The following RBFOX1 variants were observed in gnomAD, a reference collection of about 807,000 sequenced individuals.
RBFOX1 encodes the protein RNA binding fox-1 homolog 1, also known as RNA binding protein fox-1 homolog 1.
RBFOX1 carries 8 observed loss-of-function variants against 57.7 expected under a neutral mutation model. The observed-to-expected ratio is 0.14, with a 90% CI of 0.08 to 0.25. The LOEUF (loss-of-function observed/expected upper bound fraction) is 0.25. Ranked by LOEUF, RBFOX1 falls within the 10% of genes least tolerant of loss-of-function variation. The pLI, the probability that RBFOX1 is intolerant of heterozygous loss-of-function variation, is 1.00. For missense variants in RBFOX1, 611 were observed against 548.5 expected, an observed-to-expected ratio of 1.11 and a Z score of -1.14; for synonymous variants, 326 against 222.4, an observed-to-expected ratio of 1.47 and a Z score of -4.15.
chr16:6,583,549 T>C (rs953534848), intron 2 of RBFOX1, among the ~76,000 whole-genome samples: 2 of 152,218 alleles, frequency 1.3e-5, no homozygotes, highest in Admixed American at 1.3e-4. Context: ...TTCCAAGTAA[T>C]TGGGATTGGG....
In RBFOX1 at chr16:6,919,992, T is replaced by A. The variant is rs146324151; in HGVS notation, c.-15-132065T>A. On this transcript the variant is annotated intron_variant, in intron 3 of 15. Coordinates refer to ENST00000550418, the MANE Select transcript of RBFOX1 (RefSeq NM_018723.4). Reference sequence around the variant, plus strand: ...ATTACATCATTCTTGCCCCTTTGCATCCTCAAAGCTTAGCTCTCCCTTATA... The same window carrying A: ...ATTACATCATTCTTGCCCCTTTGCAACCTCAAAGCTTAGCTCTCCCTTATA... 2.3e-3 allele frequency among the ~76,000 whole-genome samples: 343 copies of A among 152,194 alleles called. 2 individuals carry two copies. Among genetic ancestry groups the A allele is most frequent in the African/African-American group, 7.6e-3 (316 of 41,544 alleles).
At chr16:7,226,686 G>A (rs893747171) in intron 4 of RBFOX1, among the ~76,000 whole-genome samples, 6 of 152,224 alleles carry the variant, frequency 3.9e-5, no homozygotes, top group Middle Eastern at 3.4e-3. Context: ...TTCTAAAACC[G>A]CAAAAAGTAC....
intron 11 of RBFOX1, among the ~76,000 whole-genome samples, chr16:7,642,994 A>T (rs1405827809): frequency 6.6e-6 from 1 of 152,324 alleles, no homozygotes; most frequent in East Asian, 1.9e-4. Flanking sequence ...TGCATAGTAA[A>T]AACATATCAC....
intron 1 of RBFOX1, among the ~76,000 whole-genome samples, chr16:6,124,899 C>T (rs1391269130): frequency 6.6e-6 from 1 of 152,186 alleles, no homozygotes; most frequent in Non-Finnish European, 1.5e-5. Flanking sequence ...TAACCATCTA[C>T]AACCAGCCTG....
intron 10 of RBFOX1, among the ~76,000 whole-genome samples, chr16:7,624,712 T>G (rs9935674): frequency 6.6e-6 from 1 of 152,032 alleles, no homozygotes; most frequent in Admixed American, 6.5e-5. Context: ...CCTCTTAGCC[T>G]TCTTCCCTGA....
chr16:7,578,857 A>G (rs770142123), intron 5 of RBFOX1, among the ~76,000 whole-genome samples: 5 of 152,202 alleles, frequency 3.3e-5, no homozygotes, highest in African/African-American at 4.8e-5. Context: ...ATGATACCTA[A>G]TGTGACTGTG....
intron 5 of RBFOX1, among the ~76,000 whole-genome samples, chr16:7,547,498 G>A (rs1221279694): frequency 1.3e-5 from 2 of 152,186 alleles, no homozygotes; most frequent in Non-Finnish European, 2.9e-5. Context: ...AGTCCCTTCT[G>A]CAAGCTAGGG....
At chr16:7,264,482 T>G (rs1391043035) in intron 4 of RBFOX1, among the ~76,000 whole-genome samples, 1 of 152,178 alleles carries the variant, frequency 6.6e-6, no homozygotes, top group African/African-American at 2.4e-5. Flanking sequence ...AGTTTTTCTG[T>G]AAGGGCCAAA....
intron 4 of RBFOX1, among the ~76,000 whole-genome samples, chr16:7,283,618 G>C (rs7190081): frequency 0.3 from 45,632 of 151,822 alleles, 7,440 homozygotes; most frequent in African/African-American, 0.43. Context: ...CAGCCTCACC[G>C]TCCTCAGAAG....
chr16:5,702,022 G>C (rs1010463653), intron 3 of RBFOX1, among the ~76,000 whole-genome samples: 19 of 152,144 alleles, frequency 1.2e-4, no homozygotes, highest in Non-Finnish European at 2.4e-4. Context: ...CAATAGACAC[G>C]TGTTGATGGA....
At chr16:5,630,545 C>G (rs1011026936) in intron 3 of RBFOX1, among the ~76,000 whole-genome samples, 2 of 152,180 alleles carry the variant, frequency 1.3e-5, no homozygotes, top group African/African-American at 4.8e-5. Flanking sequence ...TCTTCAATCT[C>G]TGCCTGCAGG....
At chr16:7,349,004 G>A (rs1306653455) in intron 4 of RBFOX1, among the ~76,000 whole-genome samples, 2 of 152,180 alleles carry the variant, frequency 1.3e-5, no homozygotes, top group Admixed American at 6.5e-5. Context: ...GGGTGAGTAG[G>A]AGGCTTCTGC....
intron 1 of RBFOX1, among the ~76,000 whole-genome samples, chr16:6,102,186 A>C (rs1469707254): frequency 6.6e-6 from 1 of 151,804 alleles, no homozygotes; most frequent in East Asian, 1.9e-4. Context: ...CCAAAAAAAA[A>C]AAAAAAAAAT....
chr16:6,830,590 G>T (rs985434547), intron 3 of RBFOX1, among the ~76,000 whole-genome samples: 1 of 152,150 alleles, frequency 6.6e-6, no homozygotes, highest in African/African-American at 2.4e-5. Flanking sequence ...AATTGATGTT[G>T]ACATCTAGTT....
At position 7,633,291 on chromosome 16, in the gene RBFOX1, A is replaced by G. The variant is rs28450414; in HGVS notation, c.757+2608A>G. 4.4e-3 allele frequency among the ~76,000 whole-genome samples: 677 copies of G among 152,364 alleles called. 6 individuals are homozygous for G. The highest frequency in any genetic ancestry group is 0.015 in the African/African-American group (614 of 41,586). On this transcript the variant is annotated intron_variant, in intron 11 of 15. Transcript: ENST00000550418. ...GTGGCAATATCACTGCACTGTGTGTAGCTGTACCTTTTTCTATGTTTAAAG... is the reference window on the plus strand; with the variant it reads ...GTGGCAATATCACTGCACTGTGTGTGGCTGTACCTTTTTCTATGTTTAAAG...
chr16:7,223,745 G>A lies in RBFOX1; in HGVS notation c.27+171647G>A, dbSNP rs1159910701. Among the ~76,000 whole-genome samples the A allele has an allele frequency of 3.3e-5, 5 of 150,274 alleles. No individual in the cohort carries two copies. In the East Asian group the frequency reaches 7.8e-4, roughly 23 times the overall value. On this transcript the variant is annotated intron_variant, in intron 4 of 15. Transcript: ENST00000550418. ...AAAAAAAAAAAAGAAAAAGAAATGA[G>A]CAAGGCAGGTGGATTTCTGGCAAAG...
At chr16:6,916,265 G>A (rs1459117408) in intron 3 of RBFOX1, among the ~76,000 whole-genome samples, 1 of 152,164 alleles carries the variant, frequency 6.6e-6, no homozygotes, top group Non-Finnish European at 1.5e-5. Context: ...ATCCAAGATG[G>A]AGTCACTGTT....
intron 2 of RBFOX1, among the ~76,000 whole-genome samples, chr16:6,456,405 C>A (rs1330248964): frequency 6.6e-6 from 1 of 152,096 alleles, no homozygotes; most frequent in East Asian, 1.9e-4. Context: ...AAGTTCTGGG[C>A]TCAAGCAATA....
intron 1 of RBFOX1, among the ~76,000 whole-genome samples, chr16:6,266,049 A>G (rs546685329): frequency 1.0e-3 from 157 of 152,292 alleles, no homozygotes; most frequent in Non-Finnish European, 1.7e-3. Flanking sequence ...AGGAATGGCC[A>G]TACATCTTAC....
Sources: allele counts gnomAD v4.1 joint callset (sites outside exome capture counted in the v4.1 genomes callset), GRCh38; gene constraint gnomAD v4.1.1; transcripts MANE v1.5; gene names NCBI Gene and HGNC (gene_info 2026-07-23, HGNC 2026-07-21).